The following KCNA6 variants were observed in gnomAD, a reference collection of about 807,000 sequenced individuals.
The protein encoded by KCNA6 is potassium voltage-gated channel subfamily A member 6.
In KCNA6, 17 loss-of-function variants were observed where a neutral mutation model predicts 29.5. The observed-to-expected ratio is 0.58, with a 90% CI of 0.39 to 0.86. The LOEUF is 0.86. Ranked by LOEUF, KCNA6 falls within the 40% of genes least tolerant of loss-of-function variation. KCNA6 has a pLI of 0.00. For missense variants in KCNA6, 450 were observed against 703.4 expected (o/e 0.64, Z 4.07); for synonymous variants, 296 against 304.7 (o/e 0.97, Z 0.30).
At chr12:4,835,236 A>G in the KCNA6 span, among the ~76,000 whole-genome samples, 1,575 of 148,774 alleles carry the variant, frequency 0.011, 113 homozygotes, top group Admixed American at 0.1. Context: ...CCGGGTTCAC[A>G]CCATTCTCCT....
the KCNA6 span, among the ~76,000 whole-genome samples, chr12:4,846,592 G>C: frequency 6.6e-6 from 1 of 151,832 alleles, no homozygotes; most frequent in Non-Finnish European, 1.5e-5. Flanking sequence ...ACCTATCACT[G>C]ATACCCAAAT....
At chr12:4,816,414 T>C (rs1002832973), downstream of KCNA6, among the ~76,000 whole-genome samples, 15 of 152,118 alleles carry the variant, frequency 9.9e-5, no homozygotes, top group African/African-American at 3.6e-4. Context: ...AGGGCATAAT[T>C]AGCATGCACT....
chr12:4,827,210 T>TTCC, the KCNA6 span, among the ~76,000 whole-genome samples: 94 of 138,680 alleles, frequency 6.8e-4, 2 homozygotes, highest in South Asian at 5.6e-3. Flanking sequence ...CCTTCCCTCC[T>TTCC]TCCTTCCTTC....
chr12:4,816,628 AC>A (rs1197175032), downstream of KCNA6, among the ~76,000 whole-genome samples: 1 of 152,016 alleles, frequency 6.6e-6, no homozygotes, highest in African/African-American at 2.4e-5. Flanking sequence ...GTATTTATCT[AC>A]TATGGTTATT....
In KCNA6 at chr12:4,809,687, G is replaced by C. The variant is rs367619685; in HGVS notation, c.-355G>C. The C allele has an allele frequency of 4.4e-3, 973 of 222,908 alleles. 10 individuals are homozygous for C. Among genetic ancestry groups the C allele is most frequent in the African/African-American group, 0.021 (905 of 44,064 alleles). The allele number at this position is 222,908 out of a possible 1,614,324, so 13.8% of individuals were successfully genotyped here. On this transcript the variant is annotated 5_prime_UTR_variant, in exon 1 of 1. Transcript: ENST00000280684. ...GGCTGGAGGGCGGACCTCTGCGTCC[G>C]GGAGCCGGGTCTCAGGCACCGCTGG... is the stretch of plus-strand genomic sequence containing the variant.
chr12:4,822,819 G>A, the KCNA6 span, among the ~76,000 whole-genome samples: 6,184 of 152,212 alleles, frequency 0.041, 283 homozygotes, highest in East Asian at 0.22. Context: ...CATCTGTCTG[G>A]TTGCTTCTGC....
downstream of KCNA6, among the ~76,000 whole-genome samples, chr12:4,817,908 C>T (rs1946696934): frequency 1.3e-5 from 2 of 152,212 alleles, no homozygotes; most frequent in Non-Finnish European, 2.9e-5. Flanking sequence ...CGCAGACAGA[C>T]CCTGGCTCTT....
the KCNA6 span, among the ~76,000 whole-genome samples, chr12:4,840,218 T>TAC: frequency 8.2e-5 from 2 of 24,440 alleles, no homozygotes; most frequent in African/African-American, 2.3e-4. Flanking sequence ...TATCTATCTA[T>TAC]CTATCTATCT....
chr12:4,817,847 C>T (rs769089736), downstream of KCNA6, among the ~76,000 whole-genome samples: 1 of 152,200 alleles, frequency 6.6e-6, no homozygotes, highest in Non-Finnish European at 1.5e-5. Context: ...TTACCTCCTC[C>T]TGGAAAACAT....
the KCNA6 span, among the ~76,000 whole-genome samples, chr12:4,845,371 T>A: frequency 2.6e-5 from 4 of 152,240 alleles, no homozygotes; most frequent in African/African-American, 9.6e-5. Flanking sequence ...CTTTGCTGTT[T>A]CCTAACTTCC....
rs554432670 is a variant in KCNA6 at position 4,810,596 on chromosome 12, C to T, written c.555C>T (p.Leu185=). ...CCATCGTCTCCGTGTTGGTCATTCT[C>T]ATCTCCATAGTCATCTTTTGCCTGG... The change falls in exon 1 of 1, where the codon CTC becomes CTT. Residue 185 remains leucine (L), a synonymous_variant. Coordinates refer to ENST00000280684, the Ensembl canonical transcript of KCNA6. The surrounding 1 kb of genome is among the most constrained non-coding windows in gnomAD (Gnocchi z 7.5). 75 of 1,614,202 alleles carry T rather than the reference C, an allele frequency of 4.6e-5. No homozygotes were observed. The highest frequency in any genetic ancestry group is 6.0e-5 in the Non-Finnish European group (71 of 1,180,028).
At chr12:4,827,948 C>T in the KCNA6 span, among the ~76,000 whole-genome samples, 9 of 152,212 alleles carry the variant, frequency 5.9e-5, no homozygotes, top group Non-Finnish European at 1.0e-4. Context: ...TTCAATTGAA[C>T]GCTTTATTTT....
the KCNA6 span, among the ~76,000 whole-genome samples, chr12:4,848,931 C>T: frequency 6.6e-6 from 1 of 151,816 alleles, no homozygotes; most frequent in Non-Finnish European, 1.5e-5. Context: ...ACCATCCTGG[C>T]CAACACGGTG....
the KCNA6 span, among the ~76,000 whole-genome samples, chr12:4,826,689 T>C: frequency 6.6e-6 from 1 of 152,218 alleles, no homozygotes; most frequent in Non-Finnish European, 1.5e-5. Flanking sequence ...TGCTTGAAAA[T>C]TCTGCGGATA....
the KCNA6 span, among the ~76,000 whole-genome samples, chr12:4,821,849 T>G: frequency 6.6e-6 from 1 of 152,180 alleles, no homozygotes; most frequent in Non-Finnish European, 1.5e-5. Context: ...ATTTTTCTTT[T>G]TTTTTAGATG....
At chr12:4,843,347 A>AT in the KCNA6 span, among the ~76,000 whole-genome samples, 12 of 151,702 alleles carry the variant, frequency 7.9e-5, no homozygotes, top group Non-Finnish European at 1.2e-4. Context: ...CGCCCGGCTA[A>AT]TTTTTTGTAT....
At chr12:4,825,230 A>G in the KCNA6 span, among the ~76,000 whole-genome samples, 54 of 152,292 alleles carry the variant, frequency 3.5e-4, no homozygotes, top group African/African-American at 1.1e-3. Flanking sequence ...AGTTCCTCAA[A>G]TGTGATCTGC....
Position 4,810,445 on chromosome 12 carries a change from G to A in KCNA6, c.404G>A (p.Arg135Gln). Residue 135 changes from arginine (R) to glutamine (Q), a missense_variant, in exon 1 of 1, where the codon CGG (arginine) becomes CAG (glutamine). Transcript: ENST00000280684. The surrounding 1 kb of genome is among the most constrained non-coding windows in gnomAD (Gnocchi z 7.5). ...GGGGACGAGGCCCTGGCGGCCTTCC[G>A]GGAGGACGAGGGCTGCCTGCCCGAA... 6.2e-7 allele frequency: 1 copy of A among 1,614,038 alleles called. No individual in the cohort carries two copies. The highest frequency in any genetic ancestry group is 8.5e-7 in the Non-Finnish European group (1 of 1,179,966).
the KCNA6 span, among the ~76,000 whole-genome samples, chr12:4,843,633 G>A: frequency 6.6e-6 from 1 of 152,200 alleles, no homozygotes; most frequent in South Asian, 2.1e-4. Flanking sequence ...GGTTCTGTGG[G>A]TTGTACAGGA....
Sources: gnomAD v4.1 joint callset for allele counts (sites outside exome capture counted in the v4.1 genomes callset) on GRCh38, gnomAD v4.1.1 for gene constraint, Gnocchi (gnomAD v3.1) non-coding constraint, MANE v1.5 for transcripts, NCBI Gene and HGNC (gene_info 2026-07-23, HGNC 2026-07-21) for gene names.